ZNF727: variants seen among roughly 807,000 people sequenced by gnomAD.
The protein encoded by ZNF727 is putative zinc finger protein 727.
ZNF727 carries 11 observed loss-of-function variants against 11.5 expected under a neutral mutation model. The ratio of observed to expected loss-of-function variants is 0.95; its 90% CI spans 0.60 to 1.58. ZNF727 has a LOEUF of 1.58. Among genes scored for constraint, ZNF727 ranks in the 40% most tolerant of loss-of-function variants. The pLI, the probability that ZNF727 is intolerant of heterozygous loss-of-function variation, is 0.00. For synonymous variants in ZNF727, 171 were observed against 196.1 expected, an observed-to-expected ratio of 0.87 and a Z score of 1.07; for missense variants, 533 against 581.7, an observed-to-expected ratio of 0.92 and a Z score of 0.86.
At chr7:64,045,740 C>T in intron 1 of ZNF727, 116 bp downstream of exon 1, 2 of 1,365,494 alleles carry the variant, frequency 1.5e-6, no homozygotes, top group Middle Eastern at 1.8e-4. Context: ...TCCGAGTCCC[C>T]GTGGGCACAG....
Position 64,080,013 on chromosome 7 carries a change from T to TG in ZNF727, c.*1465dup, listed in dbSNP as rs1785757568. ...CTCTTTTGACTTGAGGGATCTCAGC[T>TG]GCAAGGTTCATTGTTGTCTGAGCTT... On this transcript the variant is annotated 3_prime_UTR_variant, in exon 4 of 4. Transcript: ENST00000456806. 6.6e-6 allele frequency among the ~76,000 whole-genome samples: 1 copy of TG among 152,200 alleles called. No individual in the cohort carries two copies. The highest frequency in any genetic ancestry group is 2.1e-4 in the South Asian group (1 of 4,824).
chr7:64,062,155 A>G (rs1458145978), intron 1 of ZNF727, among the ~76,000 whole-genome samples: 2 of 151,972 alleles, frequency 1.3e-5, no homozygotes, highest in African/African-American at 4.8e-5. Flanking sequence ...AGAAAGAGTT[A>G]TTTTTTTTAA....
chr7:64,054,548 A>C (rs1438541529), intron 1 of ZNF727, among the ~76,000 whole-genome samples: 1 of 152,218 alleles, frequency 6.6e-6, no homozygotes, highest in Non-Finnish European at 1.5e-5. Flanking sequence ...ATAAGGTCAC[A>C]GGGAATAACC....
At position 64,082,390 on chromosome 7, in the gene ZNF727, C is replaced by T. The variant is rs913923979; in HGVS notation, c.*3841C>T. ...CAGTTTCTAGTCACCTCAGATTTTC[C>T]AGTACCTGACAACATTATCACCAGT... On this transcript the variant is annotated 3_prime_UTR_variant, in exon 4 of 4. Coordinates refer to ENST00000456806, the MANE Select transcript of ZNF727 (RefSeq NM_001159522.3). 1.3e-5 allele frequency among the ~76,000 whole-genome samples: 2 copies of T among 152,184 alleles called. No individual in the cohort carries two copies. The highest frequency in any genetic ancestry group is 6.5e-5 in the Admixed American group (1 of 15,280).
chr7:64,066,090 TC>T (rs1380631419), intron 1 of ZNF727, among the ~76,000 whole-genome samples: 2 of 151,508 alleles, frequency 1.3e-5, no homozygotes, highest in Non-Finnish European at 2.9e-5. Context: ...GTCAGAAAGT[TC>T]TGAATAAAAA....
chr7:64,053,666 T>C (rs1238289552), intron 1 of ZNF727, among the ~76,000 whole-genome samples: 1 of 152,116 alleles, frequency 6.6e-6, no homozygotes, highest in Non-Finnish European at 1.5e-5. Context: ...CACATTTTTT[T>C]TTGTTTTGCC....
chr7:64,051,826 A>G (rs1789602554), intron 1 of ZNF727, among the ~76,000 whole-genome samples: 1 of 152,232 alleles, frequency 6.6e-6, no homozygotes, highest in Non-Finnish European at 1.5e-5. Flanking sequence ...GGCAAAACAG[A>G]AAGAAGGCCT....
intron 1 of ZNF727, among the ~76,000 whole-genome samples, chr7:64,052,336 G>T (rs1355136898): frequency 6.7e-6 from 1 of 150,360 alleles, no homozygotes; most frequent in Admixed American, 6.6e-5. Flanking sequence ...CATGAGATCT[G>T]ATGGTTTTTT....
Position 64,082,714 on chromosome 7 carries a change from A to G in ZNF727, c.*4165A>G, listed in dbSNP as rs931195047. ...AACATGGTGAAATCCCACCTCTACTAAAATACAAAAAAAGAAAATTAGCCA... is the reference window on the plus strand; with the variant it reads ...AACATGGTGAAATCCCACCTCTACTGAAATACAAAAAAAGAAAATTAGCCA... On this transcript the variant is annotated 3_prime_UTR_variant, in exon 4 of 4. Transcript: ENST00000456806. 6.6e-6 allele frequency among the ~76,000 whole-genome samples: 1 copy of G among 152,090 alleles called. No individual in the cohort carries two copies. Among genetic ancestry groups the G allele is most frequent in the African/African-American group, 2.4e-5 (1 of 41,410 alleles).
rs1562797445 is a variant in ZNF727, at chr7:64,074,846, C to G, written c.227-2430C>G. Among the ~76,000 whole-genome samples the G allele has an allele frequency of 2.6e-5, 4 of 152,132 alleles. No individual in the cohort carries two copies. In the East Asian group the frequency reaches 7.7e-4, roughly 29 times the overall value. On this transcript the variant is annotated intron_variant, in intron 3 of 3. Transcript: ENST00000456806. ...AAACACTAATACCATAGGACACTGT[C>G]CAGCATATAATAAACTCGAAATTGT... is the stretch of plus-strand genomic sequence containing the variant.
At chr7:64,069,647 G>A (rs1472244634) in intron 3 of ZNF727, 38 bp downstream of exon 3, 8 of 1,468,268 alleles carry the variant, frequency 5.4e-6, no homozygotes, top group East Asian at 2.5e-5. Flanking sequence ...CATAAATGAC[G>A]GTTCCCAATG....
intron 1 of ZNF727, among the ~76,000 whole-genome samples, chr7:64,058,950 C>T (rs1342085735): frequency 3.4e-5 from 5 of 145,398 alleles, no homozygotes; most frequent in East Asian, 2.2e-4. Context: ...ATTGCATTGT[C>T]TTTTTTTTTT....
At chr7:64,054,305 A>T (rs1789648939) in intron 1 of ZNF727, among the ~76,000 whole-genome samples, 1 of 152,214 alleles carries the variant, frequency 6.6e-6, no homozygotes, top group Non-Finnish European at 1.5e-5. Context: ...GAACCTCAGG[A>T]ATTAAACTTG....
chr7:64,070,031 G>T (rs1789936613), intron 3 of ZNF727, among the ~76,000 whole-genome samples: 1 of 151,880 alleles, frequency 6.6e-6, no homozygotes, highest in South Asian at 2.1e-4. Context: ...AGAAGTTTTG[G>T]TGATATTGCA....
chr7:64,050,808 GTGTGTA>G (rs974847643), intron 1 of ZNF727, among the ~76,000 whole-genome samples: 10 of 150,004 alleles, frequency 6.7e-5, no homozygotes, highest in African/African-American at 2.5e-4. Context: ...GTGTGTGTGT[GTGTGTA>G]TGTATGTATA....
intron 1 of ZNF727, among the ~76,000 whole-genome samples, chr7:64,048,520 A>G (rs1259163031): frequency 1.3e-5 from 2 of 152,234 alleles, no homozygotes; most frequent in Non-Finnish European, 2.9e-5. Flanking sequence ...AGAGTGGAGA[A>G]TTTGTGGTAG....
At chr7:64,045,685 C>T in intron 1 of ZNF727, 61 bp downstream of exon 1, 1 of 1,551,094 alleles carries the variant, frequency 6.4e-7, no homozygotes, top group Admixed American at 2.0e-5. Context: ...CCGGTCGGAA[C>T]TGGCTGCGGT....
At position 64,056,975 on chromosome 7, in the gene ZNF727, CTA is replaced by C. The variant is rs371801005; in HGVS notation, c.3+11353_3+11354del. On this transcript the variant is annotated intron_variant, in intron 1 of 3. Coordinates refer to ENST00000456806, the MANE Select transcript of ZNF727 (RefSeq NM_001159522.3). ...TTGTGTAAATTCTAACCAATTATAG[CTA>C]TGACATTTTCCTCAAAACATGTAAA... Among the ~76,000 whole-genome samples, 242 of 152,156 alleles carry C rather than the reference CTA, an allele frequency of 1.6e-3. 2 individuals are homozygous for C. The highest frequency in any genetic ancestry group is 5.6e-3 in the African/African-American group (233 of 41,504).
Position 64,085,219 on chromosome 7 carries a change from T to C in ZNF727, c.*6670T>C, listed in dbSNP as rs1416833060. Reference sequence around the variant, plus strand: ...GAGTGTATTATTGTATGTTATTTAGTATATTTTACATTTTGTTTCAATTAG... The same window carrying C: ...GAGTGTATTATTGTATGTTATTTAGCATATTTTACATTTTGTTTCAATTAG... On this transcript the variant is annotated 3_prime_UTR_variant, in exon 4 of 4. Transcript: ENST00000456806. Among the ~76,000 whole-genome samples the C allele has an allele frequency of 6.6e-6, 1 of 152,210 alleles. No homozygotes were observed. Among genetic ancestry groups the C allele is most frequent in the Non-Finnish European group, 1.5e-5 (1 of 68,016 alleles).
Sources: allele counts gnomAD v4.1 joint callset (sites outside exome capture counted in the v4.1 genomes callset), GRCh38; gene constraint gnomAD v4.1.1; transcripts MANE v1.5; gene names NCBI Gene and HGNC (gene_info 2026-07-23, HGNC 2026-07-21).